FNIP1: variants seen among roughly 807,000 people sequenced by gnomAD.
FNIP1 encodes folliculin interacting protein 1, also known as folliculin-interacting protein 1.
In FNIP1, 40 loss-of-function variants were observed where a neutral mutation model predicts 124.5. The observed-to-expected ratio is 0.32, with a 90% confidence interval of 0.25 to 0.42. FNIP1 has a LOEUF of 0.42. Ranked by LOEUF, FNIP1 falls within the 10% of genes least tolerant of loss-of-function variation. FNIP1 has a pLI of 1.00. For missense variants in FNIP1, 1,176 were observed against 1,403.7 expected, an observed-to-expected ratio of 0.84 and a Z score of 2.59; for synonymous variants, 472 against 470.6, an observed-to-expected ratio of 1.00 and a Z score of -0.04.
chr5:131,754,791 G>A lies in FNIP1; in HGVS notation c.93-10101C>T, dbSNP rs552989835. Among the ~76,000 whole-genome samples, 6 of 152,316 alleles carry A rather than the reference G, an allele frequency of 3.9e-5. No homozygotes were observed. The South Asian group carries it at 6.2e-4, about 16-fold the overall frequency. Reference sequence around the variant, plus strand: ...AACAATAGCTGACAAGATCACTTGTGCATTTTAGAAAATCAGAAACTTGAA... The same window carrying A: ...AACAATAGCTGACAAGATCACTTGTACATTTTAGAAAATCAGAAACTTGAA... On this transcript the variant is annotated intron_variant, in intron 1 of 17. Coordinates refer to ENST00000510461, the MANE Select transcript of FNIP1 (RefSeq NM_133372.3).
intron 11 of FNIP1, among the ~76,000 whole-genome samples, chr5:131,693,286 C>A (rs1313422197): frequency 1.4e-4 from 9 of 66,470 alleles, no homozygotes; most frequent in East Asian, 3.8e-4. Flanking sequence ...ATGGTAATAG[C>A]TAAATATATA....
chr5:131,678,011 G>A, intron 12 of FNIP1, 139 bp from the exon 13 acceptor site: 2 of 712,856 alleles, frequency 2.8e-6, no homozygotes, highest in Non-Finnish European at 2.2e-6. Flanking sequence ...AGAGAGGAAA[G>A]GATGAGTATA....
At chr5:131,724,515 G>T (rs959386615) in intron 3 of FNIP1, among the ~76,000 whole-genome samples, 1 of 152,136 alleles carries the variant, frequency 6.6e-6, no homozygotes, top group Admixed American at 6.5e-5. Context: ...CTTCTTTTGA[G>T]AAGTGTCTGT....
At chr5:131,736,526 G>C (rs1770310710) in intron 2 of FNIP1, among the ~76,000 whole-genome samples, 2 of 152,208 alleles carry the variant, frequency 1.3e-5, no homozygotes, top group African/African-American at 2.4e-5. Context: ...TGGCCTGTTA[G>C]GAACCAGGCC....
chr5:131,741,998 C>A (rs1398059763), intron 2 of FNIP1, among the ~76,000 whole-genome samples: 1 of 152,174 alleles, frequency 6.6e-6, no homozygotes, highest in Non-Finnish European at 1.5e-5. Context: ...GGCAACATAG[C>A]AGGACAGATG....
chr5:131,687,322 T>G (rs1284559005), intron 11 of FNIP1, among the ~76,000 whole-genome samples: 1 of 152,086 alleles, frequency 6.6e-6, no homozygotes. Flanking sequence ...CCCAGGCTGG[T>G]CTTGAACTCC....
chr5:131,713,598 T>C (rs975305060), intron 6 of FNIP1, among the ~76,000 whole-genome samples: 2 of 149,768 alleles, frequency 1.3e-5, no homozygotes, highest in African/African-American at 4.9e-5. Context: ...CTAACAACAA[T>C]GGATTTCTTC....
chr5:131,782,604 AAGGGAGGG>A (rs113309235), intron 1 of FNIP1, among the ~76,000 whole-genome samples: 1 of 146,444 alleles, frequency 6.8e-6, no homozygotes, highest in African/African-American at 2.5e-5. Context: ...GAAAGGAAGG[AAGGGAGGG>A]AGGGAGGGAG....
At chr5:131,739,446 T>C (rs922347731) in intron 2 of FNIP1, among the ~76,000 whole-genome samples, 1 of 152,194 alleles carries the variant, frequency 6.6e-6, no homozygotes, top group Non-Finnish European at 1.5e-5. Context: ...TATACCAAAA[T>C]TCCTGAACGT....
In FNIP1 at chr5:131,785,544, C is replaced by T. The variant is rs751166523; in HGVS notation, c.92+11286G>A. 4.8e-4 allele frequency among the ~76,000 whole-genome samples: 46 copies of T among 95,326 alleles called. No homozygotes were observed. The Middle Eastern group carries it at 0.037, about 76-fold the overall frequency. The allele number at this position is 95,326 out of a possible 152,430, so 62.5% of individuals were successfully genotyped here. ...CACTCCAGCTTGGGCAACAGAGACT[C>T]CGTCTCAAAAAAAAAACAAAAAACA... On this transcript the variant is annotated intron_variant, in intron 1 of 17. Transcript: ENST00000510461.
chr5:131,650,715 C>T (rs1161149554), intron 16 of FNIP1, among the ~76,000 whole-genome samples: 1 of 152,148 alleles, frequency 6.6e-6, no homozygotes, highest in Admixed American at 6.5e-5. Flanking sequence ...GAAATACTTT[C>T]AGTCTTCCAC....
rs1766787028 is a variant in FNIP1 at position 131,643,791 on chromosome 5, A to G, written c.*894T>C. On this transcript the variant is annotated 3_prime_UTR_variant, in exon 18 of 18. Transcript: ENST00000510461. ...CTACCTGAGCACTTTTAAAGAATAT[A>G]GTATTGTTTTTGCCGATGCTTTGGT... 1 of 152,676 alleles carries G rather than the reference A, an allele frequency of 6.5e-6. No individual in the cohort carries two copies. The highest frequency in any genetic ancestry group is 2.4e-5 in the African/African-American group (1 of 41,450). The allele number at this position is 152,676 out of a possible 1,614,324, so 9.5% of individuals were successfully genotyped here. A position where few individuals can be genotyped will look rare whatever the true frequency, so the allele number is the denominator to read the frequency against.
At chr5:131,692,853 C>G (rs1768527038) in intron 11 of FNIP1, among the ~76,000 whole-genome samples, 1 of 151,682 alleles carries the variant, frequency 6.6e-6, no homozygotes, top group Non-Finnish European at 1.5e-5. Flanking sequence ...ACTAAAAATA[C>G]AAAAATTAGC....
intron 8 of FNIP1, among the ~76,000 whole-genome samples, chr5:131,707,545 T>G (rs573044232): frequency 6.6e-6 from 1 of 152,320 alleles, no homozygotes; most frequent in East Asian, 1.9e-4. Context: ...GTATGTGCCA[T>G]GCAAACATGT....
At chr5:131,713,050 C>G (rs146119514) in intron 6 of FNIP1, among the ~76,000 whole-genome samples, 5 of 151,918 alleles carry the variant, frequency 3.3e-5, no homozygotes, top group African/African-American at 1.2e-4. Context: ...CTGTGTGCCT[C>G]TCTTCTCCTA....
chr5:131,708,868 A>G (rs1187688845), intron 8 of FNIP1, among the ~76,000 whole-genome samples: 1 of 150,814 alleles, frequency 6.6e-6, no homozygotes, highest in Non-Finnish European at 1.5e-5. Context: ...TTTAAACTTT[A>G]GTTAGCAGCA....
intron 15 of FNIP1, among the ~76,000 whole-genome samples, chr5:131,664,323 AT>A: frequency 6.6e-6 from 1 of 152,310 alleles, no homozygotes; most frequent in Admixed American, 6.5e-5. Context: ...TTTATTAAGA[AT>A]TGGGTTTAAT....
chr5:131,647,317 G>A, intron 16 of FNIP1, 112 bp from the exon 17 acceptor site: 1 of 749,386 alleles, frequency 1.3e-6, no homozygotes, highest in Non-Finnish European at 2.2e-6. Context: ...ATTTCAATAT[G>A]AACTAAAATT....
chr5:131,699,916 C>CA lies in FNIP1; in HGVS notation c.1117-915dup, dbSNP rs3033727. ...CCTGGGTGATGGAGTAAGACTGTTT[C>CA]AAAAAAAAAAAAAAAAAAAAAGGGA... is the stretch of plus-strand genomic sequence containing the variant. On this transcript the variant is annotated intron_variant, in intron 10 of 17. Transcript: ENST00000510461. Among the ~76,000 whole-genome samples, 731 of 93,542 alleles carry CA rather than the reference C, an allele frequency of 7.8e-3. 30 individuals carry two copies. The highest frequency in any genetic ancestry group is 0.016 in the African/African-American group (494 of 30,110). 61.4% of individuals were successfully genotyped at this position (93,542 alleles called of 152,430 possible).
Sources: gnomAD v4.1 joint callset for allele counts (sites outside exome capture counted in the v4.1 genomes callset) on GRCh38, gnomAD v4.1.1 for gene constraint, MANE v1.5 for transcripts, NCBI Gene and HGNC (gene_info 2026-07-23, HGNC 2026-07-21) for gene names.